Variants in NRG1 observed in about 807,000 individuals in gnomAD.
NRG1 encodes neuregulin 1.
Under a neutral mutation model 63.8 loss-of-function variants are expected in NRG1, and 18 were observed. That is an observed-to-expected ratio of 0.28 (90% confidence interval 0.19 to 0.42). NRG1 has a LOEUF of 0.42. Among genes scored for constraint, NRG1 ranks in the 10% least tolerant of loss-of-function variants. The probability of loss-of-function intolerance (pLI) is 1.00; values close to 1 mark genes in which losing one functional copy is unlikely to be tolerated. For synonymous variants in NRG1, 302 were observed against 301.3 expected (o/e 1.00, Z -0.02); for missense variants, 762 against 814.7 (o/e 0.94, Z 0.79).
intron 1 of NRG1, among the ~76,000 whole-genome samples, chr8:32,047,048 T>G (rs1365238509): frequency 6.6e-6 from 1 of 152,030 alleles, no homozygotes; most frequent in African/African-American, 2.4e-5. Context: ...CCCAACGTAT[T>G]TTTTTGCCCA....
At chr8:32,328,256 C>T (rs764802768) in intron 1 of NRG1, among the ~76,000 whole-genome samples, 6 of 152,128 alleles carry the variant, frequency 3.9e-5, no homozygotes, top group South Asian at 2.1e-4. Flanking sequence ...TCACTCACTG[C>T]GAAGCTTTCC....
intron 1 of NRG1, among the ~76,000 whole-genome samples, chr8:32,572,478 T>C (rs1838798392): frequency 6.6e-6 from 1 of 152,206 alleles, no homozygotes; most frequent in East Asian, 1.9e-4. Context: ...AATAATCCCG[T>C]CACAGTTCTA....
intron 5 of NRG1, among the ~76,000 whole-genome samples, chr8:32,641,909 A>G (rs1227858703): frequency 6.6e-6 from 1 of 152,238 alleles, no homozygotes; most frequent in East Asian, 1.9e-4. Context: ...AACATCACAC[A>G]GCACATGGAT....
chr8:32,366,583 T>A (rs1172916733), intron 1 of NRG1, among the ~76,000 whole-genome samples: 2 of 151,236 alleles, frequency 1.3e-5, no homozygotes, highest in Non-Finnish European at 1.5e-5. Flanking sequence ...ATATAACGTC[T>A]GTATATATAA....
intron 1 of NRG1, among the ~76,000 whole-genome samples, chr8:32,102,026 G>A (rs1830644674): frequency 1.3e-5 from 2 of 152,108 alleles, no homozygotes; most frequent in South Asian, 2.1e-4. Flanking sequence ...AGGCTTCGTC[G>A]GAGGGTAAAT....
intron 7 of NRG1, chr8:32,743,234 G>T: frequency 1.0e-6 from 1 of 985,132 alleles, no homozygotes; most frequent in Non-Finnish European, 1.2e-6. Flanking sequence ...GAGTTCAGAT[G>T]TTTTTCTTCA....
intron 1 of NRG1, among the ~76,000 whole-genome samples, chr8:32,228,775 C>T (rs745597317): frequency 6.6e-6 from 1 of 152,124 alleles, no homozygotes; most frequent in East Asian, 1.9e-4. Context: ...GACATATATA[C>T]GTGTCTGTGC....
chr8:32,310,448 C>CA (rs2129475897), intron 1 of NRG1, among the ~76,000 whole-genome samples: 1 of 152,252 alleles, frequency 6.6e-6, no homozygotes, highest in East Asian at 1.9e-4. Context: ...AGTATGTGCC[C>CA]ACTTCATTTC....
chr8:31,652,271 C>T lies in NRG1; in HGVS notation c.37+12840C>T, dbSNP rs1804928010. Among the ~76,000 whole-genome samples the T allele has an allele frequency of 2.0e-5, 3 of 152,334 alleles. No homozygotes were observed. In the South Asian group the frequency reaches 6.2e-4, roughly 32 times the overall value. On this transcript the variant is annotated intron_variant, in intron 1 of 10. Transcript: ENST00000519301. ...ACAAATCTCAGATTCGTCCCGTCTTCCCTCACTTCAACTTCTCTGTAATAG... is the reference window on the plus strand; with the variant it reads ...ACAAATCTCAGATTCGTCCCGTCTTTCCTCACTTCAACTTCTCTGTAATAG...
chr8:32,736,251 G>T (rs1201613614), intron 6 of NRG1, among the ~76,000 whole-genome samples: 3 of 152,168 alleles, frequency 2.0e-5, no homozygotes, highest in Non-Finnish European at 4.4e-5. Context: ...ACAGAATGAG[G>T]TTCATCTTGG....
chr8:31,644,369 A>G (rs1166658290), intron 1 of NRG1, among the ~76,000 whole-genome samples: 2 of 152,228 alleles, frequency 1.3e-5, no homozygotes, highest in Admixed American at 1.3e-4. Flanking sequence ...TGAAACCAAC[A>G]TAGGTCATTT....
chr8:32,584,443 G>A (rs1231072109), intron 1 of NRG1, among the ~76,000 whole-genome samples: 1 of 152,176 alleles, frequency 6.6e-6, no homozygotes, highest in East Asian at 1.9e-4. Flanking sequence ...TGTGGACCCT[G>A]CTGAAGAAGG....
At chr8:32,603,500 C>G (rs982645882) in intron 2 of NRG1, among the ~76,000 whole-genome samples, 3 of 152,076 alleles carry the variant, frequency 2.0e-5, no homozygotes, top group South Asian at 4.1e-4. Context: ...TTTTCTTTGA[C>G]CAAGTCTCAC....
chr8:31,895,387 G>A (rs551888755), intron 1 of NRG1, among the ~76,000 whole-genome samples: 1 of 152,242 alleles, frequency 6.6e-6, no homozygotes, highest in Non-Finnish European at 1.5e-5. Context: ...TTTCAGCCAG[G>A]AGAAGGGAAA....
intron 1 of NRG1, among the ~76,000 whole-genome samples, chr8:32,293,592 TAAC>T (rs1854464842): frequency 6.6e-6 from 1 of 152,156 alleles, no homozygotes; most frequent in Non-Finnish European, 1.5e-5. Context: ...TTTGAGAAAA[TAAC>T]AACATTCCTT....
At chr8:32,218,270 G>GGCCGGCCAATCAAAGGTT (rs1486611758) in intron 1 of NRG1, among the ~76,000 whole-genome samples, 1 of 152,226 alleles carries the variant, frequency 6.6e-6, no homozygotes, top group East Asian at 1.9e-4. Flanking sequence ...AATCAAAGGT[G>GGCCGGCCAATCAAAGGTT]GCCAACCATT....
chr8:32,149,351 A>G (rs1241805684), intron 1 of NRG1, among the ~76,000 whole-genome samples: 1 of 152,116 alleles, frequency 6.6e-6, no homozygotes, highest in Admixed American at 6.6e-5. Flanking sequence ...TTCTGAATGA[A>G]GCGTGCACCC....
At chr8:32,128,272 A>C (rs1453692294) in intron 1 of NRG1, among the ~76,000 whole-genome samples, 1 of 151,922 alleles carries the variant, frequency 6.6e-6, no homozygotes, top group Non-Finnish European at 1.5e-5. Context: ...TGAGCTTTCC[A>C]GTGCATTATC....
intron 3 of NRG1, among the ~76,000 whole-genome samples, chr8:32,607,534 AATT>A (rs1845473808): frequency 6.6e-6 from 1 of 152,192 alleles, no homozygotes; most frequent in African/African-American, 2.4e-5. Flanking sequence ...TTAAGCAATG[AATT>A]ATTTACTACT....
Sources: allele counts gnomAD v4.1 joint callset (sites outside exome capture counted in the v4.1 genomes callset), GRCh38; gene constraint gnomAD v4.1.1; transcripts MANE v1.5; gene names NCBI Gene and HGNC (gene_info 2026-07-23, HGNC 2026-07-21).